Variants in MAP2K1 observed in about 807,000 individuals in gnomAD.
MAP2K1 encodes mitogen-activated protein kinase kinase 1.
A neutral mutation model predicts 46.3 loss-of-function variants in MAP2K1; 16 were observed. That is an observed-to-expected ratio of 0.35 (90% CI 0.23 to 0.52). MAP2K1 has a LOEUF of 0.52. Among genes scored for constraint, MAP2K1 ranks in the 20% least tolerant of loss-of-function variants. The probability of loss-of-function intolerance (pLI) is 0.94; values close to 1 mark genes in which losing one functional copy is unlikely to be tolerated. For missense variants in MAP2K1, 263 were observed against 497.1 expected (o/e 0.53, Z 4.48); for synonymous variants, 183 against 185.6 (o/e 0.99, Z 0.11).
chr15:66,433,390 A>G (rs927151993), intron 1 of MAP2K1, among the ~76,000 whole-genome samples: 2 of 152,156 alleles, frequency 1.3e-5, no homozygotes, highest in Non-Finnish European at 2.9e-5. Flanking sequence ...GGGTGCCAGC[A>G]TGGTTGGGTT....
Position 66,490,694 on chromosome 15 carries a change from T to G in MAP2K1, c.*79T>G, listed in dbSNP as rs777889018. The G allele has an allele frequency of 4.0e-6, 4 of 989,458 alleles. No individual in the cohort carries two copies. In the Admixed American group the frequency reaches 5.2e-5, roughly 13 times the overall value. 61.3% of individuals were successfully genotyped at this position (989,458 alleles called of 1,614,324 possible). On this transcript the variant is annotated 3_prime_UTR_variant, in exon 11 of 11. Transcript: ENST00000307102. ...CTTTTGGGCCTCCTTCCCATGCCTG[T>G]CTCTGTTCAGATGTGCATTTCACCT...
intron 5 of MAP2K1, among the ~76,000 whole-genome samples, chr15:66,448,908 G>A (rs1437711572): frequency 1.4e-5 from 2 of 145,074 alleles, no homozygotes; most frequent in East Asian, 4.2e-4. Flanking sequence ...GGAGGCTGAG[G>A]CAAGAGAATT....
chr15:66,412,826 G>A (rs2093414619), intron 1 of MAP2K1, among the ~76,000 whole-genome samples: 1 of 152,008 alleles, frequency 6.6e-6, no homozygotes, highest in African/African-American at 2.4e-5. Flanking sequence ...CTGAGTAGCT[G>A]GGACTACAGG....
At chr15:66,397,661 C>G (rs2093371413) in intron 1 of MAP2K1, among the ~76,000 whole-genome samples, 1 of 152,130 alleles carries the variant, frequency 6.6e-6, no homozygotes, top group African/African-American at 2.4e-5. Context: ...AAATCTAGCC[C>G]AAACCTACAT....
At chr15:66,417,338 G>A (rs1433200408) in intron 1 of MAP2K1, among the ~76,000 whole-genome samples, 1 of 152,240 alleles carries the variant, frequency 6.6e-6, no homozygotes, top group African/African-American at 2.4e-5. Context: ...GGGAGGCTTA[G>A]GTGGGTGGAT....
In MAP2K1 at chr15:66,491,170, A is replaced by C; in HGVS notation, c.*555A>C. Reference sequence around the variant, plus strand: ...TGTAGAACTCAGCAGTTGACATCCAAATCTAGCCAGAGCCCTTCACTGCCA... The same window carrying C: ...TGTAGAACTCAGCAGTTGACATCCACATCTAGCCAGAGCCCTTCACTGCCA... On this transcript the variant is annotated 3_prime_UTR_variant, in exon 11 of 11. Transcript: ENST00000307102. 3.6e-6 allele frequency: 1 copy of C among 275,832 alleles called. No individual in the cohort carries two copies. Among genetic ancestry groups the C allele is most frequent in the South Asian group, 8.5e-5 (1 of 11,816 alleles). The allele number at this position is 275,832 out of a possible 1,614,324, so 17.1% of individuals were successfully genotyped here.
chr15:66,477,833 C>G (rs1366338106), intron 5 of MAP2K1, among the ~76,000 whole-genome samples: 1 of 152,178 alleles, frequency 6.6e-6, no homozygotes, highest in African/African-American at 2.4e-5. Flanking sequence ...GCCGCCCCAG[C>G]AGGCGCTGTC....
intron 1 of MAP2K1, among the ~76,000 whole-genome samples, chr15:66,417,478 G>C (rs2093427331): frequency 1.3e-5 from 2 of 152,080 alleles, no homozygotes; most frequent in South Asian, 4.1e-4. Context: ...AACTGAGGTG[G>C]GAGGGAGGAT....
intron 5 of MAP2K1, among the ~76,000 whole-genome samples, chr15:66,474,997 G>A (rs116020398): frequency 1.3e-5 from 2 of 151,832 alleles, no homozygotes; most frequent in Non-Finnish European, 2.9e-5. Flanking sequence ...TGCTAGGCTC[G>A]CCTGCACCTC....
At chr15:66,439,710 G>A (rs1451221686) in intron 3 of MAP2K1, among the ~76,000 whole-genome samples, 1 of 152,080 alleles carries the variant, frequency 6.6e-6, no homozygotes, top group Non-Finnish European at 1.5e-5. Flanking sequence ...AGGTTGTGGT[G>A]AGCTGAGATT....
At chr15:66,479,641 A>G (rs1487448637) in intron 5 of MAP2K1, among the ~76,000 whole-genome samples, 1 of 152,216 alleles carries the variant, frequency 6.6e-6, no homozygotes, top group Admixed American at 6.5e-5. Context: ...CAGTGTGTGC[A>G]TGCATGTATC....
intron 6 of MAP2K1, 31 bp downstream of exon 6, chr15:66,481,910 T>G: frequency 6.2e-7 from 1 of 1,609,224 alleles, no homozygotes; most frequent in Non-Finnish European, 8.5e-7. Context: ...TGCTTGAGCT[T>G]CTTGTACGGT....
intron 7 of MAP2K1, among the ~76,000 whole-genome samples, chr15:66,485,512 T>G (rs757683503): frequency 6.6e-6 from 1 of 152,142 alleles, no homozygotes; most frequent in Non-Finnish European, 1.5e-5. Context: ...GTCACAGTCT[T>G]CAACTCCTGG....
At chr15:66,427,491 G>A (rs554991213) in intron 1 of MAP2K1, among the ~76,000 whole-genome samples, 90 of 150,940 alleles carry the variant, frequency 6.0e-4, no homozygotes, top group Non-Finnish European at 1.2e-3. Context: ...CCCAGGAGGC[G>A]GAGCTTGCAG....
At chr15:66,420,853 A>ATATGTGTATATATG (rs1567003229) in intron 1 of MAP2K1, among the ~76,000 whole-genome samples, 8 of 125,994 alleles carry the variant, frequency 6.3e-5, no homozygotes, top group African/African-American at 2.3e-4. Context: ...GTGTATATAT[A>ATATGTGTATATATG]TGTGTGTATA....
intron 5 of MAP2K1, among the ~76,000 whole-genome samples, chr15:66,475,448 C>T (rs931513567): frequency 1.3e-4 from 20 of 152,174 alleles, no homozygotes; most frequent in African/African-American, 4.8e-4. Flanking sequence ...CTGCTTGCTT[C>T]TCAGCAGCCC....
At chr15:66,411,911 G>A (rs1036444628) in intron 1 of MAP2K1, among the ~76,000 whole-genome samples, 4 of 152,152 alleles carry the variant, frequency 2.6e-5, no homozygotes, top group Non-Finnish European at 4.4e-5. Context: ...TTTAAGGCAG[G>A]AGAGAGATCT....
In MAP2K1 at chr15:66,387,208, CG is replaced by C; in HGVS notation, c.-136del. On this transcript the variant is annotated 5_prime_UTR_variant, in exon 1 of 11. Coordinates refer to ENST00000307102, the MANE Select transcript of MAP2K1 (RefSeq NM_002755.4). Reference sequence around the variant, plus strand: ...GCCCCTCGGCGCTGACGGGACCGCGCGGGGCGCACCCGCTGAAGGCAGCCCC... The same window carrying C: ...GCCCCTCGGCGCTGACGGGACCGCGCGGGCGCACCCGCTGAAGGCAGCCCC... 1.6e-6 allele frequency: 1 copy of C among 613,700 alleles called. No individual in the cohort carries two copies. The highest frequency in any genetic ancestry group is 2.7e-6 in the Non-Finnish European group (1 of 367,654). The allele number at this position is 613,700 out of a possible 1,614,324, so 38.0% of individuals were successfully genotyped here. A position where few individuals can be genotyped will look rare whatever the true frequency, so the allele number is the denominator to read the frequency against.
chr15:66,399,494 A>G (rs2093376513), intron 1 of MAP2K1, among the ~76,000 whole-genome samples: 1 of 151,566 alleles, frequency 6.6e-6, no homozygotes, highest in South Asian at 2.1e-4. Context: ...TGTGTTGCCC[A>G]GGCTGCAGCG....
Sources: gnomAD v4.1 joint callset for allele counts (sites outside exome capture counted in the v4.1 genomes callset) on GRCh38, gnomAD v4.1.1 for gene constraint, MANE v1.5 for transcripts, NCBI Gene and HGNC (gene_info 2026-07-23, HGNC 2026-07-21) for gene names.